SOX5: variants seen among roughly 807,000 people sequenced by gnomAD.
SOX5 encodes the protein transcription factor SOX-5.
Under a neutral mutation model 92.0 loss-of-function variants are expected in SOX5, and 9 were observed. That is an observed-to-expected ratio of 0.10 (90% CI 0.06 to 0.17). The LOEUF (loss-of-function observed/expected upper bound fraction) is 0.17. SOX5 is among the 10% of genes least tolerant of loss of function. SOX5 has a pLI of 1.00. For missense variants in SOX5, 642 were observed against 944.5 expected, an observed-to-expected ratio of 0.68 and a Z score of 4.20; for synonymous variants, 344 against 336.3, an observed-to-expected ratio of 1.02 and a Z score of -0.25.
intron 4 of SOX5, among the ~76,000 whole-genome samples, chr12:24,069,408 A>G (rs1363992926): frequency 6.6e-6 from 1 of 152,220 alleles, no homozygotes; most frequent in Non-Finnish European, 1.5e-5. Flanking sequence ...TTAGAGTGTA[A>G]TAACTGCATA....
chr12:24,055,517 C>T (rs897956712), intron 4 of SOX5, among the ~76,000 whole-genome samples: 15 of 152,224 alleles, frequency 9.9e-5, no homozygotes, highest in Non-Finnish European at 1.6e-4. Context: ...GGTATAGACC[C>T]TCTTTTCTGC....
At chr12:23,730,740 T>A (rs1027155665) in intron 6 of SOX5, among the ~76,000 whole-genome samples, 4 of 152,214 alleles carry the variant, frequency 2.6e-5, no homozygotes, top group Non-Finnish European at 5.9e-5. Context: ...CAGATTCTTA[T>A]GGCATTTTCT....
rs181534850 is a variant in SOX5, at chr12:23,609,259, T to C, written c.1018-4726A>G. 2.8e-4 allele frequency among the ~76,000 whole-genome samples: 43 copies of C among 152,284 alleles called. 1 individual carries two copies. The highest frequency in any genetic ancestry group is 1.0e-3 in the African/African-American group (42 of 41,568). On this transcript the variant is annotated intron_variant, in intron 8 of 14. Coordinates refer to ENST00000451604, the MANE Select transcript of SOX5 (RefSeq NM_006940.6). ...AGTTTTGTAGGCTACACTCACCTTA[T>C]GGAAGCTTTTGAAACATAAGCAAAA...
At chr12:23,857,387 T>C (rs1401204083) in intron 2 of SOX5, among the ~76,000 whole-genome samples, 2 of 152,178 alleles carry the variant, frequency 1.3e-5, no homozygotes, top group African/African-American at 4.8e-5. Context: ...ACTGTTACCA[T>C]GACACATATG....
At chr12:23,875,314 CTGTT>C (rs1354082305) in intron 2 of SOX5, among the ~76,000 whole-genome samples, 4 of 152,040 alleles carry the variant, frequency 2.6e-5, no homozygotes, top group African/African-American at 7.2e-5. Context: ...AAAGAGAAAA[CTGTT>C]TGTTTGTATC....
intron 1 of SOX5, among the ~76,000 whole-genome samples, chr12:24,445,816 C>T (rs1436525141): frequency 1.3e-5 from 2 of 152,180 alleles, no homozygotes; most frequent in East Asian, 3.8e-4. Flanking sequence ...AGGGCTTGGA[C>T]ATTGGACATA....
intron 4 of SOX5, among the ~76,000 whole-genome samples, chr12:23,747,454 A>G (rs935856572): frequency 6.6e-6 from 1 of 152,174 alleles, no homozygotes; most frequent in African/African-American, 2.4e-5. Context: ...ATAAAATGCA[A>G]ACTCCTACCC....
At chr12:23,628,037 A>G (rs1357952923) in intron 8 of SOX5, among the ~76,000 whole-genome samples, 1 of 152,098 alleles carries the variant, frequency 6.6e-6, no homozygotes, top group East Asian at 1.9e-4. Context: ...CTGGAAGAAA[A>G]CCAGCAGCAG....
chr12:23,603,499 A>G (rs942371184), intron 9 of SOX5, among the ~76,000 whole-genome samples: 3 of 147,626 alleles, frequency 2.0e-5, no homozygotes, highest in Admixed American at 6.8e-5. Flanking sequence ...TCAGCTTTCT[A>G]CTTAACATTT....
chr12:24,450,906 TTTGA>T (rs1231033876), intron 1 of SOX5, among the ~76,000 whole-genome samples: 1 of 152,174 alleles, frequency 6.6e-6, no homozygotes, highest in African/African-American at 2.4e-5. Flanking sequence ...ATCTTATTGT[TTTGA>T]TTTTTTGTGC....
intron 2 of SOX5, among the ~76,000 whole-genome samples, chr12:24,327,373 G>A (rs1303845167): frequency 7.5e-6 from 1 of 133,436 alleles, no homozygotes; most frequent in Non-Finnish European, 1.6e-5. Flanking sequence ...TGAAGGGCTA[G>A]AGCAATGGAG....
chr12:23,709,639 T>A (rs933466532), intron 6 of SOX5, among the ~76,000 whole-genome samples: 2 of 152,294 alleles, frequency 1.3e-5, no homozygotes, highest in South Asian at 4.1e-4. Flanking sequence ...TTTATTATAG[T>A]AATAATTGTT....
intron 3 of SOX5, among the ~76,000 whole-genome samples, chr12:24,216,556 G>A (rs1959179550): frequency 6.6e-6 from 1 of 152,178 alleles, no homozygotes; most frequent in African/African-American, 2.4e-5. Flanking sequence ...TCTGGGGAAA[G>A]AAGAAGATCT....
Position 23,534,365 on chromosome 12 carries a change from T to G in SOX5, c.2146A>C (p.Lys716Gln). ...TCTTTGATATGTGGCTCCTCTCCTT[T>G]CACACCGTAAGTGCTCTGGATAACA... Reference protein sequence around the residue: ...MPVIQSTYGVKGEEPHIKEEI... With the variant: ...MPVIQSTYGVQGEEPHIKEEI... Residue 716 changes from lysine (K) to glutamine (Q), a missense_variant, in exon 15 of 15, where the codon AAA becomes CAA. Around this residue, in one of 8 missense-constraint regions of SOX5, gnomAD observed 130 missense variants for 140.6 expected, o/e 0.92. Transcript: ENST00000451604. 1 of 1,614,164 alleles carries G rather than the reference T, an allele frequency of 6.2e-7. No individual in the cohort carries two copies.
intron 3 of SOX5, among the ~76,000 whole-genome samples, chr12:24,268,491 G>A (rs1229681394): frequency 6.6e-6 from 1 of 152,092 alleles, no homozygotes; most frequent in African/African-American, 2.4e-5. Flanking sequence ...ATTTTTAAAG[G>A]TTCTGAAAGA....
At chr12:24,342,581 C>A (rs78592956) in intron 2 of SOX5, among the ~76,000 whole-genome samples, 2,451 of 152,272 alleles carry the variant, frequency 0.016, 76 homozygotes, top group African/African-American at 0.056. Context: ...GCCACTAATT[C>A]GTATAAATCA....
At chr12:24,335,650 T>G (rs1307885130) in intron 2 of SOX5, among the ~76,000 whole-genome samples, 1 of 152,104 alleles carries the variant, frequency 6.6e-6, no homozygotes, top group East Asian at 1.9e-4. Flanking sequence ...ATTAAAATAT[T>G]TACCCAAATT....
At chr12:24,383,035 C>T (rs1293197203) in intron 1 of SOX5, among the ~76,000 whole-genome samples, 1 of 152,146 alleles carries the variant, frequency 6.6e-6, no homozygotes, top group Admixed American at 6.5e-5. Flanking sequence ...TGTCCTAGCT[C>T]TGACCACTAC....
At chr12:24,017,907 T>C (rs894710716) in intron 4 of SOX5, among the ~76,000 whole-genome samples, 3 of 152,204 alleles carry the variant, frequency 2.0e-5, no homozygotes, top group Admixed American at 6.5e-5. Flanking sequence ...AAAGATGCGT[T>C]GTCAGGGGAC....
Sources: gnomAD v4.1 joint callset for allele counts (sites outside exome capture counted in the v4.1 genomes callset) on GRCh38, gnomAD v4.1.1 for gene constraint, gnomAD v4.1.1 regional missense constraint, MANE v1.5 for transcripts, NCBI Gene and HGNC (gene_info 2026-07-23, HGNC 2026-07-21) for gene names.